ADAMTSL3: variants seen among roughly 807,000 people sequenced by gnomAD.
The protein encoded by ADAMTSL3 is ADAMTS like 3.
In ADAMTSL3, 128 loss-of-function variants were observed where a neutral mutation model predicts 201.7. The ratio of observed to expected loss-of-function variants is 0.63; its 90% CI spans 0.55 to 0.73. ADAMTSL3 has a LOEUF of 0.73. Among genes scored for constraint, ADAMTSL3 ranks in the 30% least tolerant of loss-of-function variants. ADAMTSL3 has a pLI of 0.00. For missense variants in ADAMTSL3, 1,990 were observed against 2,119.6 expected (o/e 0.94, Z 1.20); for synonymous variants, 738 against 748.4 (o/e 0.99, Z 0.23).
intron 19 of ADAMTSL3, among the ~76,000 whole-genome samples, chr15:83,948,571 T>A (rs1415009390): frequency 1.3e-5 from 2 of 152,146 alleles, no homozygotes; most frequent in East Asian, 3.9e-4. Context: ...CCTTAAGACA[T>A]TTTTTATCTT....
chr15:83,769,868 T>A (rs2062951551), intron 3 of ADAMTSL3, among the ~76,000 whole-genome samples: 1 of 151,996 alleles, frequency 6.6e-6, no homozygotes, highest in African/African-American at 2.4e-5. Flanking sequence ...AGTCACATGC[T>A]GCAGTTTATT....
intron 4 of ADAMTSL3, among the ~76,000 whole-genome samples, chr15:83,796,454 A>G (rs970089246): frequency 9.8e-5 from 15 of 152,342 alleles, no homozygotes; most frequent in African/African-American, 3.6e-4. Context: ...AATAAGTTCA[A>G]TAAAAAATGT....
intron 19 of ADAMTSL3, among the ~76,000 whole-genome samples, chr15:83,959,460 G>A (rs1461360887): frequency 2.0e-5 from 3 of 152,148 alleles, no homozygotes; most frequent in Non-Finnish European, 4.4e-5. Flanking sequence ...GTGCATCTAT[G>A]CAAAAGAATC....
intron 4 of ADAMTSL3, among the ~76,000 whole-genome samples, chr15:83,795,689 T>G (rs1441827711): frequency 3.3e-5 from 5 of 152,198 alleles, no homozygotes; most frequent in African/African-American, 1.2e-4. Flanking sequence ...GCATGTATAT[T>G]GGCCTATACA....
At chr15:83,743,722 GATA>G (rs1453944082) in intron 3 of ADAMTSL3, among the ~76,000 whole-genome samples, 1 of 152,104 alleles carries the variant, frequency 6.6e-6, no homozygotes, top group Non-Finnish European at 1.5e-5. Flanking sequence ...TGTGCCCGAA[GATA>G]TGAGAATAGA....
chr15:83,858,677 G>A (rs1158754576), intron 7 of ADAMTSL3, 89 bp from the exon 8 acceptor site: 2 of 965,176 alleles, frequency 2.1e-6, no homozygotes, highest in African/African-American at 1.7e-5. Context: ...AGAATATTTT[G>A]CAGACGCCCC....
At chr15:83,823,975 C>CTTCTT (rs1567170072) in intron 6 of ADAMTSL3, among the ~76,000 whole-genome samples, 8 of 78,958 alleles carry the variant, frequency 1.0e-4, no homozygotes, top group African/African-American at 2.3e-4. Flanking sequence ...TTCTTCTTCT[C>CTTCTT]CTCCTCCTCC....
chr15:83,664,719 C>A (rs924268242), intron 2 of ADAMTSL3, among the ~76,000 whole-genome samples: 3 of 152,186 alleles, frequency 2.0e-5, no homozygotes, highest in Non-Finnish European at 2.9e-5. Context: ...GTGGCTCATG[C>A]CTGTGATCCG....
At chr15:83,736,303 G>T (rs898595436) in intron 3 of ADAMTSL3, among the ~76,000 whole-genome samples, 3 of 152,068 alleles carry the variant, frequency 2.0e-5, no homozygotes, top group African/African-American at 7.2e-5. Context: ...AAAATATTAG[G>T]CATTTTTAAG....
At chr15:83,710,263 G>A (rs79111298) in intron 3 of ADAMTSL3, among the ~76,000 whole-genome samples, 29 of 152,192 alleles carry the variant, frequency 1.9e-4, no homozygotes, top group Middle Eastern at 3.4e-3. Context: ...CTAATTTAGC[G>A]TTTGCTGTGT....
intron 6 of ADAMTSL3, among the ~76,000 whole-genome samples, chr15:83,824,034 C>A (rs1343449953): frequency 1.4e-5 from 2 of 143,402 alleles, no homozygotes; most frequent in African/African-American, 5.1e-5. Flanking sequence ...TTCCTTCTTT[C>A]TTTTTTTCTT....
intron 26 of ADAMTSL3, 110 bp downstream of exon 26, chr15:84,021,703 C>G: frequency 8.5e-7 from 1 of 1,178,522 alleles, no homozygotes; most frequent in East Asian, 2.6e-5. Flanking sequence ...TTATCACTTA[C>G]TGTATACTAG....
chr15:83,745,461 C>G (rs1199313033), intron 3 of ADAMTSL3, among the ~76,000 whole-genome samples: 2 of 152,194 alleles, frequency 1.3e-5, no homozygotes, highest in African/African-American at 4.8e-5. Context: ...CTGACTGTAA[C>G]AGTCCTTCTG....
At chr15:83,777,607 C>G (rs778069033) in intron 4 of ADAMTSL3, among the ~76,000 whole-genome samples, 6 of 151,870 alleles carry the variant, frequency 4.0e-5, no homozygotes, top group Non-Finnish European at 8.8e-5. Flanking sequence ...ATAAAAGAAA[C>G]AAAATTATGC....
At chr15:83,902,777 C>A (rs1240382863) in intron 15 of ADAMTSL3, among the ~76,000 whole-genome samples, 3 of 152,182 alleles carry the variant, frequency 2.0e-5, no homozygotes, top group Non-Finnish European at 4.4e-5. Flanking sequence ...CCACAGCAAG[C>A]TGCCTCTTGC....
At chr15:83,740,181 T>C (rs889333277) in intron 3 of ADAMTSL3, 1 of 222,284 alleles carries the variant, frequency 4.5e-6, no homozygotes, top group Non-Finnish European at 9.8e-6. Context: ...CACAGGGCTT[T>C]AGGGTTTCTT....
intron 17 of ADAMTSL3, among the ~76,000 whole-genome samples, chr15:83,931,081 T>C (rs1442555978): frequency 1.3e-5 from 2 of 152,200 alleles, no homozygotes; most frequent in Non-Finnish European, 2.9e-5. Flanking sequence ...CTATAACTGC[T>C]GAGTGCCTGC....
chr15:83,983,815 A>G lies in ADAMTSL3; in HGVS notation c.3716+471A>G, dbSNP rs189559565. Among the ~76,000 whole-genome samples, 17 of 152,270 alleles carry G rather than the reference A, an allele frequency of 1.1e-4. No homozygotes were observed. In the East Asian group the frequency reaches 2.5e-3, roughly 22 times the overall value. Reference sequence around the variant, plus strand: ...CAGGGGTTAACCTTTCTGATGAGGTAATTGAGAAGCAGAATCCCATGACTA... The same window carrying G: ...CAGGGGTTAACCTTTCTGATGAGGTGATTGAGAAGCAGAATCCCATGACTA... On this transcript the variant is annotated intron_variant, in intron 21 of 29. Transcript: ENST00000286744.
intron 17 of ADAMTSL3, among the ~76,000 whole-genome samples, chr15:83,941,354 AAAT>A (rs913781749): frequency 1.3e-5 from 2 of 152,014 alleles, no homozygotes; most frequent in Non-Finnish European, 2.9e-5. Context: ...TTTTTCAGAG[AAAT>A]AATATTTTTT....
Sources: gnomAD v4.1 joint callset for allele counts (sites outside exome capture counted in the v4.1 genomes callset) on GRCh38, gnomAD v4.1.1 for gene constraint, MANE v1.5 for transcripts, NCBI Gene and HGNC (gene_info 2026-07-23, HGNC 2026-07-21) for gene names.